Variants in OTUB1 observed in about 807,000 individuals in gnomAD.
The protein encoded by OTUB1 is ubiquitin thioesterase OTUB1.
Under a neutral mutation model 35.8 loss-of-function variants are expected in OTUB1, and 10 were observed. That is an observed-to-expected ratio of 0.28 (90% confidence interval 0.17 to 0.47). The LOEUF is 0.47. Ranked by LOEUF, OTUB1 falls within the 20% of genes least tolerant of loss-of-function variation. The pLI, the probability that OTUB1 is intolerant of heterozygous loss-of-function variation, is 0.99. For missense variants in OTUB1, 264 were observed against 351.6 expected (o/e 0.75, Z 1.99); for synonymous variants, 158 against 143.8 (o/e 1.10, Z -0.71).
intron 1 of OTUB1, chr11:63,987,062 G>C (rs1335691942): frequency 6.5e-6 from 1 of 153,168 alleles, no homozygotes; most frequent in African/African-American, 2.4e-5. Context: ...TTCTGGCCTT[G>C]CAGCCCCTTT....
chr11:63,996,697 T>G (rs1942720888), intron 4 of OTUB1, 49 bp downstream of exon 4: 1 of 1,613,670 alleles, frequency 6.2e-7, no homozygotes, highest in Admixed American at 1.7e-5. Flanking sequence ...GTCTACCTCC[T>G]CCCCGGGCGA....
At chr11:63,987,570 G>C (rs539147802) in intron 1 of OTUB1, among the ~76,000 whole-genome samples, 10 of 152,354 alleles carry the variant, frequency 6.6e-5, no homozygotes, top group African/African-American at 2.4e-4. Flanking sequence ...GGTAGCCAAG[G>C]AGAGGTATTG....
chr11:63,998,251 G>T lies in OTUB1; in HGVS notation c.*705G>T. On this transcript the variant is annotated 3_prime_UTR_variant, in exon 7 of 7. Transcript: ENST00000538426. ...CATCCGCCCCAGGCCCCCTGCCTGTGCCTGCCTTGCACCCCCTCTGCTTGG... is the reference window on the plus strand; with the variant it reads ...CATCCGCCCCAGGCCCCCTGCCTGTTCCTGCCTTGCACCCCCTCTGCTTGG... 5.5e-6 allele frequency: 1 copy of T among 181,030 alleles called. No homozygotes were observed. 11.2% of individuals were successfully genotyped at this position (181,030 alleles called of 1,614,324 possible). A position where few individuals can be genotyped will look rare whatever the true frequency, so the allele number is the denominator to read the frequency against.
chr11:63,988,785 C>G, intron 3 of OTUB1, 33 bp downstream of exon 3: 1 of 1,447,122 alleles, frequency 6.9e-7, no homozygotes, highest in Non-Finnish European at 9.7e-7. Flanking sequence ...TGGGAAGCAC[C>G]CTGGGGGTGG....
chr11:63,997,642 C>G lies in OTUB1; in HGVS notation c.*96C>G. ...TGTGGTTGTAAATGGTCCTATTTCA[C>G]CCCCTTCTTCCTGTCACATGACCCC... is the stretch of plus-strand genomic sequence containing the variant. On this transcript the variant is annotated 3_prime_UTR_variant, in exon 7 of 7. Coordinates refer to ENST00000538426, the MANE Select transcript of OTUB1 (RefSeq NM_017670.3). The G allele has an allele frequency of 5.9e-6, 6 of 1,022,746 alleles. No homozygotes were observed. The highest frequency in any genetic ancestry group is 9.1e-6 in the Non-Finnish European group (6 of 661,386). The allele number at this position is 1,022,746 out of a possible 1,614,324, so 63.4% of individuals were successfully genotyped here. A position where few individuals can be genotyped will look rare whatever the true frequency, so the allele number is the denominator to read the frequency against.
intron 3 of OTUB1, among the ~76,000 whole-genome samples, chr11:63,995,101 C>T (rs528366649): frequency 2.5e-4 from 38 of 152,164 alleles, no homozygotes; most frequent in South Asian, 1.5e-3. Context: ...GTGGTGCCAT[C>T]ACAGCTCACT....
chr11:63,993,756 A>C (rs1455755472), intron 3 of OTUB1, among the ~76,000 whole-genome samples: 1 of 151,770 alleles, frequency 6.6e-6, no homozygotes, highest in Non-Finnish European at 1.5e-5. Flanking sequence ...TGTGTTGCCC[A>C]GGCTAGCCTT....
At chr11:63,995,858 G>A (rs528415158) in intron 3 of OTUB1, among the ~76,000 whole-genome samples, 6 of 152,176 alleles carry the variant, frequency 3.9e-5, no homozygotes, top group African/African-American at 7.2e-5. Context: ...CTTGCCAGGT[G>A]AAGTGTGCGT....
intron 3 of OTUB1, chr11:63,989,475 C>G (rs1321083008): frequency 6.6e-6 from 1 of 152,078 alleles, no homozygotes; most frequent in African/African-American, 2.4e-5. Context: ...GCCTGTAATC[C>G]CAGCACTTTG....
At chr11:63,987,523 GC>G (rs145198415) in intron 1 of OTUB1, among the ~76,000 whole-genome samples, 2,225 of 152,214 alleles carry the variant, frequency 0.015, 53 homozygotes, top group African/African-American at 0.049. Flanking sequence ...GAGGGTACTC[GC>G]CCCATTTTAC....
intron 3 of OTUB1, among the ~76,000 whole-genome samples, chr11:63,992,255 A>G (rs1364733183): frequency 1.3e-5 from 2 of 151,580 alleles, no homozygotes; most frequent in Non-Finnish European, 2.9e-5. Context: ...AGCATTTGCC[A>G]TTTTAAACAG....
intron 3 of OTUB1, among the ~76,000 whole-genome samples, chr11:63,995,063 C>T (rs1459735961): frequency 6.6e-6 from 1 of 151,854 alleles, no homozygotes; most frequent in Non-Finnish European, 1.5e-5. Context: ...TAGGGTCTCA[C>T]GCACTCTGTC....
chr11:63,992,046 C>T (rs2134307914), intron 3 of OTUB1, among the ~76,000 whole-genome samples: 1 of 152,040 alleles, frequency 6.6e-6, no homozygotes, highest in East Asian at 1.9e-4. Context: ...GGTGAAACCT[C>T]GTCTCTACTA....
chr11:63,996,973 A>C, intron 5 of OTUB1, 32 bp downstream of exon 5: 1 of 1,613,430 alleles, frequency 6.2e-7, no homozygotes. Flanking sequence ...GGGCTGGGCC[A>C]TGGGGGAGGG....
intron 1 of OTUB1, 34 bp from the exon 2 acceptor site, chr11:63,988,303 C>G (rs1163996549): frequency 5.8e-6 from 9 of 1,539,322 alleles, no homozygotes; most frequent in Non-Finnish European, 7.9e-6. Context: ...TGGCCAGGAC[C>G]CCCTGTAATC....
intron 2 of OTUB1, 56 bp from the exon 3 acceptor site, chr11:63,988,598 A>T: frequency 7.2e-7 from 1 of 1,382,088 alleles, no homozygotes; most frequent in Non-Finnish European, 1.0e-6. Flanking sequence ...TCTGTCTGTT[A>T]GGCATGGGTC....
intron 3 of OTUB1, among the ~76,000 whole-genome samples, chr11:63,991,044 C>T (rs996971191): frequency 6.6e-6 from 1 of 152,200 alleles, no homozygotes; most frequent in Non-Finnish European, 1.5e-5. Flanking sequence ...GAGGCCCCCT[C>T]CTCAGGGAGC....
chr11:63,990,482 C>A (rs1942661219), intron 3 of OTUB1: 1 of 151,692 alleles, frequency 6.6e-6, no homozygotes, highest in South Asian at 2.1e-4. Flanking sequence ...TCTATAGTCC[C>A]AGCTACTCAA....
Position 63,997,166 on chromosome 11 carries a change from G to C in OTUB1, c.540G>C (p.Ser180=). ...TGGTCTACCTGCGGCTGCTCACCTC[G>C]GGCTACCTGCAGCGCGAGAGCAAGT... is the stretch of plus-strand genomic sequence containing the variant. The part of the protein sequence containing the change: ...YLVVYLRLLT[S]GYLQRESKFF... The change falls in exon 6 of 7, where the codon TCG becomes TCC. Residue 180 remains serine (S), a synonymous_variant. Transcript: ENST00000538426. 1 of 1,614,190 alleles carries C rather than the reference G, an allele frequency of 6.2e-7. No individual in the cohort carries two copies. The highest frequency in any genetic ancestry group is 8.5e-7 in the Non-Finnish European group (1 of 1,180,032).
Sources: gnomAD v4.1 joint callset for allele counts (sites outside exome capture counted in the v4.1 genomes callset) on GRCh38, gnomAD v4.1.1 for gene constraint, MANE v1.5 for transcripts, NCBI Gene and HGNC (gene_info 2026-07-23, HGNC 2026-07-21) for gene names.